Variants in ULK4 observed in about 807,000 individuals in gnomAD.
The protein encoded by ULK4 is unc-51 like kinase 4.
A neutral mutation model predicts 160.6 loss-of-function variants in ULK4; 133 were observed. The ratio of observed to expected loss-of-function variants is 0.83; its 90% CI spans 0.72 to 0.96. The LOEUF is 0.96. Among genes scored for constraint, ULK4 ranks in the 40% least tolerant of loss-of-function variants. The pLI is 0.00. For synonymous variants in ULK4, 534 were observed against 539.8 expected, an observed-to-expected ratio of 0.99 and a Z score of 0.15; for missense variants, 1,580 against 1,499.5, an observed-to-expected ratio of 1.05 and a Z score of -0.89.
chr3:41,249,470 C>T lies in ULK4; in HGVS notation c.3764+19G>A. On this transcript the variant is annotated intron_variant, in intron 36 of 36. Transcript: ENST00000301831. The stretch of plus-strand genomic sequence containing the variant: ...TGCTGATCTAGAGCAGACTGCTGAT[C>T]CTCCTGGGTCCCACTTACCCACTCC... The T allele has an allele frequency of 6.2e-7, 1 of 1,608,720 alleles. No homozygotes were observed. The highest frequency in any genetic ancestry group is 2.2e-5 in the East Asian group (1 of 44,806).
chr3:41,402,355 A>G (rs2082199683), intron 34 of ULK4, among the ~76,000 whole-genome samples: 1 of 152,080 alleles, frequency 6.6e-6, no homozygotes, highest in African/African-American at 2.4e-5. Flanking sequence ...ATTTCTTTCC[A>G]TACCCTACAC....
chr3:41,533,281 T>C (rs762192182), intron 32 of ULK4, among the ~76,000 whole-genome samples: 2 of 152,228 alleles, frequency 1.3e-5, no homozygotes, highest in Non-Finnish European at 2.9e-5. Flanking sequence ...TGGTTTATTA[T>C]GTAGGAGAAG....
At chr3:41,498,892 C>T (rs1559651570) in intron 32 of ULK4, among the ~76,000 whole-genome samples, 1 of 151,714 alleles carries the variant, frequency 6.6e-6, no homozygotes, top group East Asian at 1.9e-4. Context: ...ACTGTCTGGC[C>T]GAGAGTTTCT....
intron 19 of ULK4, among the ~76,000 whole-genome samples, chr3:41,808,703 T>C (rs2040726185): frequency 6.6e-6 from 1 of 152,240 alleles, no homozygotes; most frequent in South Asian, 2.1e-4. Context: ...GTAGGCAGCC[T>C]TAACAAAAAA....
chr3:41,818,869 C>T (rs2041051813), intron 19 of ULK4, among the ~76,000 whole-genome samples: 1 of 152,226 alleles, frequency 6.6e-6, no homozygotes, highest in Admixed American at 6.5e-5. Context: ...GTGGGAGCTA[C>T]ATATAGATGA....
At chr3:41,935,052 G>A (rs1011526880) in intron 4 of ULK4, among the ~76,000 whole-genome samples, 8 of 113,466 alleles carry the variant, frequency 7.1e-5, no homozygotes, top group African/African-American at 1.7e-4. Context: ...ATGGAGTCTC[G>A]CTCTGTCACC....
chr3:41,424,858 T>C (rs2082742210), intron 34 of ULK4, among the ~76,000 whole-genome samples: 2 of 100,410 alleles, frequency 2.0e-5, no homozygotes, highest in East Asian at 2.8e-4. Flanking sequence ...AAAAAAAGGC[T>C]GAAAACTGAA....
At chr3:41,757,492 T>A (rs1318540135) in intron 21 of ULK4, among the ~76,000 whole-genome samples, 1 of 151,114 alleles carries the variant, frequency 6.6e-6, no homozygotes, top group Non-Finnish European at 1.5e-5. Context: ...ATTAGCCAGG[T>A]GTGGTGGCGG....
rs187905094 is a variant in ULK4 at position 41,509,427 on chromosome 3, C to G, written c.3227-46174G>C. Among the ~76,000 whole-genome samples, 3 of 152,176 alleles carry G rather than the reference C, an allele frequency of 2.0e-5. No homozygotes were observed. In the East Asian group the frequency reaches 5.8e-4, roughly 29 times the overall value. ...AAGAGAATAGTCAAGGAAAATTTCC[C>G]CAGCCTTGCTAGAGATCTAGACATC... On this transcript the variant is annotated intron_variant, in intron 32 of 36. Coordinates refer to ENST00000301831, the MANE Select transcript of ULK4 (RefSeq NM_017886.4).
At chr3:41,840,932 C>T (rs1463946547) in intron 17 of ULK4, among the ~76,000 whole-genome samples, 5 of 150,620 alleles carry the variant, frequency 3.3e-5, no homozygotes, top group Admixed American at 6.6e-5. Context: ...ATGTGAGGAG[C>T]GCCTCTGCCC....
chr3:41,733,594 C>T (rs1175990001), intron 22 of ULK4, among the ~76,000 whole-genome samples: 1 of 151,854 alleles, frequency 6.6e-6, no homozygotes, highest in African/African-American at 2.4e-5. Context: ...AAACAGTCAT[C>T]TATTTCATCA....
intron 32 of ULK4, among the ~76,000 whole-genome samples, chr3:41,518,646 C>T (rs1225696912): frequency 6.6e-6 from 1 of 152,098 alleles, no homozygotes; most frequent in Non-Finnish European, 1.5e-5. Context: ...TGCTGCCCGA[C>T]ATTAGATTTT....
chr3:41,390,902 G>T lies in ULK4; in HGVS notation c.3678+7177C>A, dbSNP rs552854444. On this transcript the variant is annotated intron_variant, in intron 35 of 36. Coordinates refer to ENST00000301831, the MANE Select transcript of ULK4 (RefSeq NM_017886.4). The stretch of plus-strand genomic sequence containing the variant: ...TTAGGTCTGCTTGGTGCAGAGCTGA[G>T]TTCATTTTGTATCTTTTAACAAATC... Among the ~76,000 whole-genome samples, 14 of 152,038 alleles carry T rather than the reference G, an allele frequency of 9.2e-5. No homozygotes were observed. The South Asian group carries it at 2.9e-3, about 32-fold the overall frequency.
rs1377715557 is a variant in ULK4, at chr3:41,953,302, A to AT, written c.138+1319dup. 1.8e-3 allele frequency among the ~76,000 whole-genome samples: 199 copies of AT among 108,002 alleles called. 1 individual carries two copies. The highest frequency in any genetic ancestry group is 7.7e-3 in the African/African-American group (189 of 24,662). The allele number at this position is 108,002 out of a possible 152,430, so 70.9% of individuals were successfully genotyped here. On this transcript the variant is annotated intron_variant, in intron 2 of 36. Coordinates refer to ENST00000301831, the MANE Select transcript of ULK4 (RefSeq NM_017886.4). The stretch of plus-strand genomic sequence containing the variant: ...TATATACACATATATATATATATAT[A>AT]TATTTTTTTTTTTTTTTGAGATGGA...
In ULK4 at chr3:41,957,568, C is replaced by T. The variant is rs138764427; in HGVS notation, c.-48-2761G>A. On this transcript the variant is annotated intron_variant, in intron 1 of 36. Coordinates refer to ENST00000301831, the MANE Select transcript of ULK4 (RefSeq NM_017886.4). ...TCTACATATCAAAACAGCACATTGG[C>T]CAGGCACGGTTGCTCGCACCTATAA... is the stretch of plus-strand genomic sequence containing the variant. 1.8e-3 allele frequency among the ~76,000 whole-genome samples: 276 copies of T among 152,072 alleles called. 2 individuals are homozygous for T. Among genetic ancestry groups the T allele is most frequent in the Middle Eastern group, 0.017 (5 of 294 alleles).
At chr3:41,915,627 T>C (rs149256173) in intron 8 of ULK4, among the ~76,000 whole-genome samples, 342 of 152,292 alleles carry the variant, frequency 2.2e-3, no homozygotes, top group African/African-American at 7.3e-3. Flanking sequence ...CCTCGGTCAA[T>C]AGTCAAACAG....
chr3:41,529,437 A>G (rs2086226596), intron 32 of ULK4, among the ~76,000 whole-genome samples: 1 of 152,226 alleles, frequency 6.6e-6, no homozygotes. Flanking sequence ...GGCAAGTTTA[A>G]ACACCTGATG....
chr3:41,895,405 A>G (rs1698119064), intron 16 of ULK4, 113 bp downstream of exon 16: 4 of 531,176 alleles, frequency 7.5e-6, no homozygotes, highest in Non-Finnish European at 1.2e-5. Context: ...AGTCATCATT[A>G]CATCAGAATA....
At chr3:41,323,258 G>A (rs1312591079) in intron 35 of ULK4, among the ~76,000 whole-genome samples, 2 of 151,740 alleles carry the variant, frequency 1.3e-5, no homozygotes, top group Non-Finnish European at 2.9e-5. Context: ...CTCCTTCCAT[G>A]TTGCCATACA....
Sources: allele counts gnomAD v4.1 joint callset (sites outside exome capture counted in the v4.1 genomes callset), GRCh38; gene constraint gnomAD v4.1.1; transcripts MANE v1.5; gene names NCBI Gene and HGNC (gene_info 2026-07-23, HGNC 2026-07-21).